Variants in GLIS3 observed in about 807,000 individuals in gnomAD.
GLIS3 encodes GLIS family zinc finger 3, also known as zinc finger protein GLIS3.
In GLIS3, 53 loss-of-function variants were observed where a neutral mutation model predicts 78.6. That is an observed-to-expected ratio of 0.67 (90% confidence interval 0.54 to 0.85). The LOEUF is 0.85. GLIS3 is among the 40% of genes least tolerant of loss of function. The pLI is 0.00. For synonymous variants in GLIS3, 684 were observed against 509.9 expected, an observed-to-expected ratio of 1.34 and a Z score of -4.60; for missense variants, 1,703 against 1,231.1, an observed-to-expected ratio of 1.38 and a Z score of -5.74.
At chr9:3,897,569 C>G (rs991679656) in intron 7 of GLIS3, among the ~76,000 whole-genome samples, 1 of 152,140 alleles carries the variant, frequency 6.6e-6, no homozygotes, top group East Asian at 1.9e-4. Context: ...CGTCTCATCT[C>G]CCTGTGTCTC....
intron 2 of GLIS3, among the ~76,000 whole-genome samples, chr9:4,191,267 G>T (rs1369649453): frequency 6.6e-6 from 1 of 152,106 alleles, no homozygotes; most frequent in African/African-American, 2.4e-5. Flanking sequence ...AGACCCATCA[G>T]TGTGCTGTAT....
At chr9:4,382,440 T>C in the GLIS3 span, among the ~76,000 whole-genome samples, 1 of 152,200 alleles carries the variant, frequency 6.6e-6, no homozygotes, top group Admixed American at 6.5e-5. Flanking sequence ...TTCTCTGCTT[T>C]TTCACACAAA....
rs190838137 is a variant in GLIS3, at chr9:3,828,076, G to A, written c.*196C>T. The A allele has an allele frequency of 1.8e-4, 113 of 635,196 alleles. No individual in the cohort carries two copies. In the East Asian group the frequency reaches 2.6e-3, roughly 15 times the overall value. The allele number at this position is 635,196 out of a possible 1,614,324, so 39.3% of individuals were successfully genotyped here. On this transcript the variant is annotated 3_prime_UTR_variant, in exon 11 of 11. Coordinates refer to ENST00000381971, the MANE Select transcript of GLIS3 (RefSeq NM_001042413.2). ...TCACATAGTCCAGGAAAACCAGAGA[G>A]AAAAAGGAGCAACTGTAATGATTCC... is the stretch of plus-strand genomic sequence containing the variant.
chr9:4,169,789 G>C (rs911354197), intron 2 of GLIS3, among the ~76,000 whole-genome samples: 1 of 152,166 alleles, frequency 6.6e-6, no homozygotes, highest in Admixed American at 6.5e-5. Flanking sequence ...TAACATTTGG[G>C]AAATCTGGGT....
At chr9:4,331,183 A>T (rs902177672) in intron 2 of GLIS3, among the ~76,000 whole-genome samples, 4 of 152,180 alleles carry the variant, frequency 2.6e-5, no homozygotes, top group Non-Finnish European at 4.4e-5. Flanking sequence ...AGCTCTAGAG[A>T]TGAATCCTTT....
At chr9:4,399,279 T>G in the GLIS3 span, among the ~76,000 whole-genome samples, 2 of 152,234 alleles carry the variant, frequency 1.3e-5, no homozygotes, top group Non-Finnish European at 2.9e-5. Flanking sequence ...ATGTATATAT[T>G]ATTTATCAAC....
At chr9:3,988,743 C>T (rs1050281455) in intron 4 of GLIS3, among the ~76,000 whole-genome samples, 11 of 151,794 alleles carry the variant, frequency 7.2e-5, no homozygotes, top group Admixed American at 4.6e-4. Flanking sequence ...AAACCTCATA[C>T]GTTATACGAA....
the GLIS3 span, among the ~76,000 whole-genome samples, chr9:4,466,944 T>C: frequency 1.8e-4 from 27 of 152,166 alleles, 1 homozygote; most frequent in Non-Finnish European, 5.9e-5. Flanking sequence ...AATACTGCGT[T>C]TTTCCAACAG....
At position 4,140,082 on chromosome 9, in the gene GLIS3, T is replaced by C. The variant is rs373732355; in HGVS notation, c.389-14141A>G. Among the ~76,000 whole-genome samples, 226 of 152,302 alleles carry C rather than the reference T, an allele frequency of 1.5e-3. 1 individual carries two copies. The highest frequency in any genetic ancestry group is 5.2e-3 in the African/African-American group (216 of 41,572). ...AAAGGCATATCTTACATAGTCGTCA[T>C]AGCCGCCAGACCAGGTAGATCGCTT... On this transcript the variant is annotated intron_variant, in intron 2 of 10. Coordinates refer to ENST00000381971, the MANE Select transcript of GLIS3 (RefSeq NM_001042413.2).
At chr9:3,950,534 G>A (rs185237522) in intron 4 of GLIS3, among the ~76,000 whole-genome samples, 18 of 152,286 alleles carry the variant, frequency 1.2e-4, no homozygotes, top group African/African-American at 4.3e-4. Context: ...CAGGGCATTT[G>A]CACATGCTAT....
intron 4 of GLIS3, among the ~76,000 whole-genome samples, chr9:4,117,397 AT>A (rs1831738360): frequency 6.6e-6 from 1 of 152,148 alleles, no homozygotes; most frequent in African/African-American, 2.4e-5. Flanking sequence ...GTCACTGCAT[AT>A]TTGCTTTGGA....
intron 4 of GLIS3, among the ~76,000 whole-genome samples, chr9:3,948,601 A>C (rs1159902139): frequency 1.3e-5 from 2 of 152,222 alleles, no homozygotes; most frequent in East Asian, 3.8e-4. Flanking sequence ...AAGTGATCCC[A>C]GGAATAATAA....
intron 8 of GLIS3, among the ~76,000 whole-genome samples, chr9:3,877,040 A>G (rs972750467): frequency 6.6e-6 from 1 of 152,078 alleles, no homozygotes; most frequent in Non-Finnish European, 1.5e-5. Context: ...AGGAGACTCA[A>G]TGATCGTTTT....
the GLIS3 span, among the ~76,000 whole-genome samples, chr9:4,426,556 T>G: frequency 6.6e-6 from 1 of 152,238 alleles, no homozygotes; most frequent in Non-Finnish European, 1.5e-5. Flanking sequence ...AAAACAGATT[T>G]CTCTATAGAG....
chr9:4,160,765 A>G (rs1835410165), intron 2 of GLIS3, among the ~76,000 whole-genome samples: 1 of 152,220 alleles, frequency 6.6e-6, no homozygotes, highest in African/African-American at 2.4e-5. Flanking sequence ...TAGCCAAGTT[A>G]GGGTTTCAGA....
upstream of GLIS3, among the ~76,000 whole-genome samples, chr9:4,302,221 G>A (rs575294359): frequency 9.9e-5 from 15 of 152,272 alleles, no homozygotes; most frequent in African/African-American, 2.9e-4. Flanking sequence ...TTACCCATGA[G>A]CTCTCCATCG....
chr9:4,462,609 A>ACACACACG, the GLIS3 span, among the ~76,000 whole-genome samples: 8 of 149,338 alleles, frequency 5.4e-5, no homozygotes, highest in Admixed American at 1.3e-4. Context: ...ACACACACAC[A>ACACACACG]CACACACACA....
intron 2 of GLIS3, among the ~76,000 whole-genome samples, chr9:4,261,208 A>T (rs1825494820): frequency 6.6e-6 from 1 of 152,202 alleles, no homozygotes; most frequent in South Asian, 2.1e-4. Context: ...TTCAACACGG[A>T]AAATATTGCA....
intron 2 of GLIS3, among the ~76,000 whole-genome samples, chr9:4,343,526 A>C (rs1228399953): frequency 6.6e-6 from 1 of 152,228 alleles, no homozygotes; most frequent in Non-Finnish European, 1.5e-5. Context: ...AGAACCTAAA[A>C]CTGAACTACC....
Sources: gnomAD v4.1 joint callset for allele counts (sites outside exome capture counted in the v4.1 genomes callset) on GRCh38, gnomAD v4.1.1 for gene constraint, MANE v1.5 for transcripts, NCBI Gene and HGNC (gene_info 2026-07-23, HGNC 2026-07-21) for gene names.